CACNA1E: variants seen among roughly 807,000 people sequenced by gnomAD.
CACNA1E encodes the protein calcium voltage-gated channel subunit alpha1 E.
A neutral mutation model predicts 259.2 loss-of-function variants in CACNA1E; 40 were observed. The ratio of observed to expected loss-of-function variants is 0.15; its 90% CI spans 0.12 to 0.20. The LOEUF is 0.20. Ranked by LOEUF, CACNA1E falls within the 10% of genes least tolerant of loss-of-function variation. The probability of loss-of-function intolerance (pLI) is 1.00; values close to 1 mark genes in which losing one functional copy is unlikely to be tolerated. For missense variants in CACNA1E, 1,874 were observed against 3,040.1 expected (o/e 0.62, Z 9.02); for synonymous variants, 1,104 against 1,138.5 (o/e 0.97, Z 0.61).
chr1:181,570,522 G>T (rs1193188806), intron 3 of CACNA1E, among the ~76,000 whole-genome samples: 2 of 152,196 alleles, frequency 1.3e-5, no homozygotes, highest in Admixed American at 1.3e-4. Context: ...TTTTCTTACA[G>T]TTCTGGAAGT....
At chr1:181,759,592 C>G (rs1482278546) in intron 32 of CACNA1E, among the ~76,000 whole-genome samples, 1 of 152,112 alleles carries the variant, frequency 6.6e-6, no homozygotes, top group African/African-American at 2.4e-5. Flanking sequence ...AAAATCCAGC[C>G]CTTGGCTTCA....
chr1:181,534,435 T>A (rs1008640218), intron 3 of CACNA1E, among the ~76,000 whole-genome samples: 2 of 152,086 alleles, frequency 1.3e-5, no homozygotes, highest in African/African-American at 4.8e-5. Flanking sequence ...TTTACTAAAT[T>A]AAGAAACCTA....
chr1:181,546,060 C>G (rs550209721), intron 3 of CACNA1E, among the ~76,000 whole-genome samples: 1 of 151,924 alleles, frequency 6.6e-6, no homozygotes, highest in African/African-American at 2.4e-5. Flanking sequence ...ACAGACACGC[C>G]GTGGGGAAGC....
At chr1:181,559,445 A>G (rs1649085847) in intron 3 of CACNA1E, among the ~76,000 whole-genome samples, 1 of 152,128 alleles carries the variant, frequency 6.6e-6, no homozygotes, top group African/African-American at 2.4e-5. Flanking sequence ...TTAGGGAGTG[A>G]GTGTGGATTG....
intron 2 of CACNA1E, among the ~76,000 whole-genome samples, chr1:181,469,506 G>A (rs903483372): frequency 3.3e-5 from 5 of 152,130 alleles, no homozygotes; most frequent in Non-Finnish European, 7.3e-5. Context: ...AGGTGGAGGT[G>A]CCCATTTGAG....
intron 3 of CACNA1E, among the ~76,000 whole-genome samples, chr1:181,559,327 G>A (rs1459578094): frequency 2.0e-5 from 3 of 152,200 alleles, no homozygotes; most frequent in Non-Finnish European, 1.5e-5. Flanking sequence ...GAGTGGAAAT[G>A]CCCAGCAGAG....
chr1:181,604,131 A>G (rs1654007096), intron 6 of CACNA1E, among the ~76,000 whole-genome samples: 1 of 152,152 alleles, frequency 6.6e-6, no homozygotes, highest in Admixed American at 6.5e-5. Context: ...TGTTGACTCC[A>G]TGAATGGCAC....
chr1:181,328,210 G>T (rs547055462), intron 1 of CACNA1E, among the ~76,000 whole-genome samples: 13 of 152,090 alleles, frequency 8.5e-5, no homozygotes, highest in Admixed American at 8.5e-4. Context: ...CCTGTTTCCT[G>T]GTTCATAGGT....
Position 181,411,857 on chromosome 1 carries a change from G to A in CACNA1E, c.-14-1276G>A, listed in dbSNP as rs138835459. Among the ~76,000 whole-genome samples the A allele has an allele frequency of 9.3e-4, 141 of 151,984 alleles. 1 individual carries two copies. Among genetic ancestry groups the A allele is most frequent in the Middle Eastern group, 6.8e-3 (2 of 294 alleles). On this transcript the variant is annotated intron_variant, in intron 1 of 11. Coordinates refer to the CACNA1E transcript ENST00000524607. ...ACTCCTGACCTCAAGTGATCTGCTC[G>A]CCTTGGTCTCCCAAAGTGCTGGGAT...
intron 38 of CACNA1E, among the ~76,000 whole-genome samples, chr1:181,780,857 G>GCACA (rs1433591877): frequency 2.0e-5 from 3 of 152,046 alleles, no homozygotes; most frequent in African/African-American, 7.2e-5. Flanking sequence ...GCCTCCTGCT[G>GCACA]CACACACACA....
At chr1:181,401,295 C>G (rs932667177) in intron 1 of CACNA1E, among the ~76,000 whole-genome samples, 1 of 152,190 alleles carries the variant, frequency 6.6e-6, no homozygotes, top group African/African-American at 2.4e-5. Context: ...ACATGATGCA[C>G]AGTTCTTAGC....
intron 3 of CACNA1E, among the ~76,000 whole-genome samples, chr1:181,540,739 C>T (rs1375619309): frequency 6.6e-6 from 1 of 152,208 alleles, no homozygotes; most frequent in Non-Finnish European, 1.5e-5. Flanking sequence ...ACTTAGCCCA[C>T]ACCATTTTGT....
intron 17 of CACNA1E, among the ~76,000 whole-genome samples, 160 bp downstream of exon 17, chr1:181,724,697 G>A (rs183232308): frequency 2.2e-4 from 33 of 152,294 alleles, no homozygotes; most frequent in Admixed American, 1.4e-3. Flanking sequence ...CACCCATGAC[G>A]GAAGGCTGGT....
rs191907301 is a variant in CACNA1E at position 181,626,547 on chromosome 1, C to T, written c.952-24791C>T. On this transcript the variant is annotated intron_variant, in intron 6 of 47. Transcript: ENST00000367573. ...ACTCTCAGATGACAACTAGATTTAC[C>T]TTGCATGCAGTTTTCAGTGTATGGA... Among the ~76,000 whole-genome samples the T allele has an allele frequency of 2.4e-3, 368 of 152,300 alleles. 1 individual carries two copies. Among genetic ancestry groups the T allele is most frequent in the Non-Finnish European group, 3.8e-3 (257 of 68,028 alleles).
At chr1:181,744,556 A>G (rs1656880255) in intron 25 of CACNA1E, among the ~76,000 whole-genome samples, 1 of 152,240 alleles carries the variant, frequency 6.6e-6, no homozygotes, top group South Asian at 2.1e-4. Context: ...TAGAAACAAC[A>G]GACAAACATT....
intron 3 of CACNA1E, among the ~76,000 whole-genome samples, chr1:181,525,137 T>G (rs1282325921): frequency 6.6e-6 from 1 of 152,206 alleles, no homozygotes; most frequent in Non-Finnish European, 1.5e-5. Flanking sequence ...TTGACAACAT[T>G]TGATCAGAAG....
chr1:181,367,916 T>C (rs550114274), intron 1 of CACNA1E, among the ~76,000 whole-genome samples: 13 of 152,176 alleles, frequency 8.5e-5, no homozygotes, highest in Non-Finnish European at 1.8e-4. Context: ...TTTTGATAGA[T>C]TGTCTTGTGA....
rs1306869738 is a variant in CACNA1E at position 181,770,282 on chromosome 1, G to A, written c.4882-1011G>A. Among the ~76,000 whole-genome samples, 3 of 152,152 alleles carry A rather than the reference G, an allele frequency of 2.0e-5. No individual in the cohort carries two copies. In the East Asian group the frequency reaches 5.8e-4, roughly 29 times the overall value. On this transcript the variant is annotated intron_variant, in intron 35 of 47. Transcript: ENST00000367573. ...GTCTCAACATTGACTTGTGAGAATAGGTCCTGATACCCAAAATGTGGTTGG... is the reference window on the plus strand; with the variant it reads ...GTCTCAACATTGACTTGTGAGAATAAGTCCTGATACCCAAAATGTGGTTGG...
chr1:181,764,521 C>A (rs1396476695), intron 34 of CACNA1E, among the ~76,000 whole-genome samples: 1 of 152,204 alleles, frequency 6.6e-6, no homozygotes, highest in Non-Finnish European at 1.5e-5. Flanking sequence ...TCCATCATTA[C>A]TGATTTACTT....
Sources: allele counts gnomAD v4.1 joint callset (sites outside exome capture counted in the v4.1 genomes callset), GRCh38; gene constraint gnomAD v4.1.1; transcripts MANE v1.5; gene names NCBI Gene and HGNC (gene_info 2026-07-23, HGNC 2026-07-21).